The following SLC39A8 variants were observed in gnomAD, a reference collection of about 807,000 sequenced individuals.
SLC39A8 encodes metal cation symporter ZIP8.
In SLC39A8, 15 loss-of-function variants were observed where a neutral mutation model predicts 40.4. The observed-to-expected ratio is 0.37, with a 90% confidence interval of 0.25 to 0.57. The LOEUF (loss-of-function observed/expected upper bound fraction) is 0.57, where lower values mean the gene tolerates loss of function less well. Ranked by LOEUF, SLC39A8 falls within the 20% of genes least tolerant of loss-of-function variation. The pLI, the probability that SLC39A8 is intolerant of heterozygous loss-of-function variation, is 0.75. For missense variants in SLC39A8, 472 were observed against 558.8 expected, an observed-to-expected ratio of 0.84 and a Z score of 1.57; for synonymous variants, 223 against 221.6, an observed-to-expected ratio of 1.01 and a Z score of -0.06.
intron 2 of SLC39A8, among the ~76,000 whole-genome samples, chr4:102,317,019 G>A (rs759242080): frequency 2.6e-5 from 4 of 152,154 alleles, no homozygotes; most frequent in African/African-American, 9.7e-5. Flanking sequence ...ACCTTGGTCT[G>A]GACTTCAAGT....
intron 6 of SLC39A8, among the ~76,000 whole-genome samples, chr4:102,279,309 G>A (rs2149014342): frequency 6.6e-6 from 1 of 152,132 alleles, no homozygotes; most frequent in East Asian, 1.9e-4. Context: ...TTTATTTATG[G>A]CCCTGAACCA....
intron 2 of SLC39A8, among the ~76,000 whole-genome samples, chr4:102,332,711 G>A (rs528143515): frequency 2.7e-4 from 41 of 152,310 alleles, no homozygotes; most frequent in African/African-American, 9.1e-4. Context: ...AAAGACACAT[G>A]AACACATATG....
intron 2 of SLC39A8, among the ~76,000 whole-genome samples, chr4:102,326,838 C>T (rs1339077030): frequency 1.3e-5 from 2 of 152,098 alleles, no homozygotes; most frequent in Non-Finnish European, 2.9e-5. Context: ...CTAACCTAAT[C>T]GTATCCAATA....
intron 6 of SLC39A8, among the ~76,000 whole-genome samples, chr4:102,298,236 G>C (rs1018981261): frequency 6.6e-6 from 1 of 151,892 alleles, no homozygotes; most frequent in Admixed American, 6.6e-5. Context: ...AGTGAAAGTA[G>C]GCTAAATTCA....
At chr4:102,341,751 G>A (rs531700805) in intron 2 of SLC39A8, among the ~76,000 whole-genome samples, 9 of 152,270 alleles carry the variant, frequency 5.9e-5, no homozygotes, top group Admixed American at 2.0e-4. Context: ...TTAAGGATAC[G>A]AAGAAAAATA....
rs750533079 is a variant in SLC39A8, at chr4:102,315,653, A to T, written c.382+15T>A. ...AGACTTTTCAAATAAAAGAGAAAAA[A>T]TGCTTCTAATATACCTTCTGAATGA... is the stretch of plus-strand genomic sequence containing the variant. On this transcript the variant is annotated intron_variant, in intron 3 of 8. Transcript: ENST00000356736. 1.3e-6 allele frequency: 2 copies of T among 1,575,808 alleles called. No homozygotes were observed. The highest frequency in any genetic ancestry group is 1.7e-6 in the Non-Finnish European group (2 of 1,163,952).
At chr4:102,332,102 A>G (rs1735491728) in intron 2 of SLC39A8, among the ~76,000 whole-genome samples, 1 of 152,238 alleles carries the variant, frequency 6.6e-6, no homozygotes, top group Non-Finnish European at 1.5e-5. Flanking sequence ...GGACATAGAC[A>G]TGGGCAAAGA....
At chr4:102,259,627 G>A (rs1359908967), downstream of SLC39A8, 1 of 733,444 alleles carries the variant, frequency 1.4e-6, no homozygotes, top group African/African-American at 1.8e-5. Context: ...TATACCAGTT[G>A]CTTAGCATGG....
intron 2 of SLC39A8, among the ~76,000 whole-genome samples, chr4:102,330,101 A>G (rs1735387170): frequency 1.3e-5 from 2 of 152,194 alleles, no homozygotes; most frequent in Non-Finnish European, 2.9e-5. Context: ...TAACATCACA[A>G]TTAAAAGAAC....
At chr4:102,261,125 T>C (rs59231051), downstream of SLC39A8, among the ~76,000 whole-genome samples, 3 of 93,266 alleles carry the variant, frequency 3.2e-5, no homozygotes, top group African/African-American at 1.6e-4. Context: ...TGTAGTAACA[T>C]CAGTGTTGGA....
Position 102,344,462 on chromosome 4 carries a change from G to C in SLC39A8, c.201C>G (p.Gly67=), listed in dbSNP as rs1334898681. The change falls in exon 2 of 9, where the codon GGC becomes GGG. Residue 67 remains glycine (G), a synonymous_variant. Transcript: ENST00000356736. ...AASRVGVPEP[G]QLHFNQCLTA... The stretch of plus-strand genomic sequence containing the variant: ...GCCTTACCTGGTTGAAGTGCAGCTG[G>C]CCAGGCTCCGGGACGCCCACGCGGG... 8 of 1,542,038 alleles carry C rather than the reference G, an allele frequency of 5.2e-6. No homozygotes were observed. The highest frequency in any genetic ancestry group is 1.7e-4 in the Middle Eastern group (1 of 5,976).
chr4:102,309,690 T>A (rs73834752), intron 3 of SLC39A8, among the ~76,000 whole-genome samples: 1 of 152,132 alleles, frequency 6.6e-6, no homozygotes, highest in Non-Finnish European at 1.5e-5. Flanking sequence ...TAAGTGCCAA[T>A]AGAAGCAAAG....
intron 6 of SLC39A8, 67 bp downstream of exon 6, chr4:102,304,250 T>C: frequency 1.6e-6 from 2 of 1,261,496 alleles, no homozygotes; most frequent in African/African-American, 1.5e-5. Context: ...CTTAGCTGCA[T>C]AAACAGTCAT....
chr4:102,285,813 G>A (rs1733156628), intron 6 of SLC39A8, among the ~76,000 whole-genome samples: 1 of 152,158 alleles, frequency 6.6e-6, no homozygotes, highest in East Asian at 1.9e-4. Flanking sequence ...TAAATAAAAT[G>A]GAATAATAAA....
At chr4:102,299,964 C>G (rs571163118) in intron 6 of SLC39A8, among the ~76,000 whole-genome samples, 2 of 152,174 alleles carry the variant, frequency 1.3e-5, no homozygotes, top group South Asian at 4.1e-4. Flanking sequence ...CCACACTTGG[C>G]TACACAGGAA....
intron 1 of SLC39A8, 75 bp from the exon 2 acceptor site, chr4:102,344,990 C>T (rs1297587836): frequency 1.1e-5 from 11 of 977,546 alleles, no homozygotes; most frequent in Non-Finnish European, 1.4e-5. Context: ...AGAAACGCTG[C>T]GTGGCAGTAG....
intron 6 of SLC39A8, among the ~76,000 whole-genome samples, chr4:102,286,062 A>C (rs987723289): frequency 3.9e-5 from 6 of 152,172 alleles, no homozygotes; most frequent in African/African-American, 1.4e-4. Context: ...AAAGTGGTCT[A>C]TTTTAGTCAT....
chr4:102,285,554 G>C (rs79969194), intron 6 of SLC39A8, among the ~76,000 whole-genome samples: 1 of 151,724 alleles, frequency 6.6e-6, no homozygotes, highest in Non-Finnish European at 1.5e-5. Context: ...AGTGAAATTT[G>C]TTATCTGGAA....
downstream of SLC39A8, among the ~76,000 whole-genome samples, chr4:102,261,246 A>C (rs1198156400): frequency 6.6e-6 from 1 of 152,244 alleles, no homozygotes; most frequent in Non-Finnish European, 1.5e-5. Context: ...CAACCAGAGC[A>C]TGGAGGACAG....
Sources: gnomAD v4.1 joint callset for allele counts (sites outside exome capture counted in the v4.1 genomes callset) on GRCh38, gnomAD v4.1.1 for gene constraint, MANE v1.5 for transcripts, NCBI Gene and HGNC (gene_info 2026-07-23, HGNC 2026-07-21) for gene names.